The following CTNNA3 variants were observed in gnomAD, a reference collection of about 807,000 sequenced individuals.
CTNNA3 encodes catenin alpha 3.
Under a neutral mutation model 95.7 loss-of-function variants are expected in CTNNA3, and 76 were observed. The ratio of observed to expected loss-of-function variants is 0.79; its 90% confidence interval spans 0.66 to 0.96. The LOEUF (loss-of-function observed/expected upper bound fraction) is 0.96, where lower values mean the gene tolerates loss of function less well. Among genes scored for constraint, CTNNA3 ranks in the 40% least tolerant of loss-of-function variants. CTNNA3 has a pLI of 0.00. For synonymous variants in CTNNA3, 431 were observed against 374.4 expected (o/e 1.15, Z -1.74); for missense variants, 1,191 against 1,089.8 (o/e 1.09, Z -1.31).
intron 9 of CTNNA3, among the ~76,000 whole-genome samples, chr10:66,660,665 C>T (rs1846230334): frequency 1.3e-5 from 2 of 152,052 alleles, no homozygotes; most frequent in Non-Finnish European, 2.9e-5. Flanking sequence ...ATTTCTTCTC[C>T]CTAGAATGAT....
intron 13 of CTNNA3, among the ~76,000 whole-genome samples, chr10:66,182,256 CTT>C (rs570667950): frequency 1.0e-4 from 14 of 134,512 alleles, no homozygotes; most frequent in African/African-American, 5.5e-5. Context: ...GGATACATTT[CTT>C]TTTTTTTTTT....
At chr10:67,273,957 G>A (rs1417058850) in intron 5 of CTNNA3, among the ~76,000 whole-genome samples, 1 of 152,168 alleles carries the variant, frequency 6.6e-6, no homozygotes, top group Non-Finnish European at 1.5e-5. Context: ...GAAACTATCT[G>A]AGGTGATGGG....
chr10:66,529,759 C>G (rs1299499888), intron 10 of CTNNA3, among the ~76,000 whole-genome samples: 2 of 152,004 alleles, frequency 1.3e-5, no homozygotes, highest in African/African-American at 4.8e-5. Flanking sequence ...AATGTGCTGA[C>G]AAGACAATGG....
intron 7 of CTNNA3, chr10:66,928,098 T>C: frequency 6.2e-7 from 1 of 1,614,050 alleles, no homozygotes; most frequent in African/African-American, 1.3e-5. Context: ...GCAAACCCCC[T>C]TTGCCCCCGA....
intron 9 of CTNNA3, among the ~76,000 whole-genome samples, chr10:66,687,036 A>G: frequency 6.6e-6 from 1 of 152,174 alleles, no homozygotes; most frequent in East Asian, 1.9e-4. Flanking sequence ...GATACAAATG[A>G]CATACTTTAT....
chr10:67,068,450 G>T (rs1856227696), intron 7 of CTNNA3, among the ~76,000 whole-genome samples: 3 of 152,184 alleles, frequency 2.0e-5, no homozygotes, highest in South Asian at 4.1e-4. Flanking sequence ...TAGAACCCTG[G>T]AGAGTTCTGA....
chr10:66,642,279 AACACACACAC>A (rs377158480), intron 9 of CTNNA3, among the ~76,000 whole-genome samples: 1 of 61,338 alleles, frequency 1.6e-5, no homozygotes, highest in Non-Finnish European at 3.6e-5. Context: ...CACACACACA[AACACACACAC>A]ACACACACAC....
intron 11 of CTNNA3, among the ~76,000 whole-genome samples, chr10:66,393,051 C>T (rs955080119): frequency 2.0e-5 from 3 of 151,904 alleles, no homozygotes; most frequent in African/African-American, 4.8e-5. Context: ...ATGGAATGTA[C>T]AAAAAGCGAT....
chr10:66,260,952 C>T (rs1335225836), intron 13 of CTNNA3, among the ~76,000 whole-genome samples: 1 of 152,068 alleles, frequency 6.6e-6, no homozygotes, highest in African/African-American at 2.4e-5. Context: ...GTACCTGAGT[C>T]TTCACCCTGT....
upstream of CTNNA3, among the ~76,000 whole-genome samples, chr10:67,700,333 C>T (rs1484020828): frequency 1.3e-5 from 2 of 152,192 alleles, no homozygotes; most frequent in South Asian, 4.1e-4. Context: ...CAAGTGGGTC[C>T]CTGACCCCTT....
chr10:66,115,084 G>A (rs1263541413), intron 13 of CTNNA3, among the ~76,000 whole-genome samples: 6 of 151,994 alleles, frequency 3.9e-5, no homozygotes, highest in African/African-American at 7.2e-5. Flanking sequence ...AAGGTTGAAC[G>A]TACCATTTCA....
intron 7 of CTNNA3, among the ~76,000 whole-genome samples, chr10:67,044,431 T>G (rs1419939783): frequency 6.6e-6 from 1 of 152,156 alleles, no homozygotes; most frequent in Non-Finnish European, 1.5e-5. Flanking sequence ...AAACTTGCTT[T>G]TAAGAAGAGG....
chr10:66,440,280 GTTTA>G (rs1564964593), intron 11 of CTNNA3, among the ~76,000 whole-genome samples: 2 of 152,056 alleles, frequency 1.3e-5, no homozygotes, highest in East Asian at 1.9e-4. Flanking sequence ...GCATATATAT[GTTTA>G]TTTATATAAA....
At chr10:67,105,367 C>T (rs1270294680) in intron 7 of CTNNA3, among the ~76,000 whole-genome samples, 2 of 152,042 alleles carry the variant, frequency 1.3e-5, no homozygotes, top group African/African-American at 2.4e-5. Flanking sequence ...AAGATTTAAA[C>T]TAAATGCTAC....
chr10:67,623,232 T>C (rs974613427), intron 2 of CTNNA3, among the ~76,000 whole-genome samples: 1 of 152,196 alleles, frequency 6.6e-6, no homozygotes, highest in East Asian at 1.9e-4. Context: ...ACTTGAACTG[T>C]TTTCTGAAAG....
At chr10:67,751,147 C>CTCAGCTTCAACCAT in intron 1 of CTNNA3, 2 of 1,306,802 alleles carry the variant, frequency 1.5e-6, no homozygotes, top group East Asian at 4.6e-5. Context: ...ATGGCAACCA[C>CTCAGCTTCAACCAT]ACTCAGCTTC....
chr10:67,059,314 TAG>T (rs530871348), intron 7 of CTNNA3, among the ~76,000 whole-genome samples: 17 of 152,294 alleles, frequency 1.1e-4, no homozygotes, highest in Non-Finnish European at 2.1e-4. Context: ...TCAAAAATGG[TAG>T]AGACTTCTAT....
At chr10:66,246,913 T>C (rs1031162453) in intron 13 of CTNNA3, among the ~76,000 whole-genome samples, 6 of 151,536 alleles carry the variant, frequency 4.0e-5, no homozygotes, top group African/African-American at 1.2e-4. Flanking sequence ...ATTAGCCAGA[T>C]GTAGTGGTGG....
intron 15 of CTNNA3, among the ~76,000 whole-genome samples, chr10:65,993,406 T>G (rs1015205625): frequency 9.9e-5 from 15 of 152,232 alleles, no homozygotes; most frequent in African/African-American, 3.6e-4. Flanking sequence ...AATATTTGCT[T>G]CATATATCTG....
Sources: allele counts gnomAD v4.1 joint callset (sites outside exome capture counted in the v4.1 genomes callset), GRCh38; gene constraint gnomAD v4.1.1; transcripts MANE v1.5; gene names NCBI Gene and HGNC (gene_info 2026-07-23, HGNC 2026-07-21).